The following ALMS1 variants were observed in gnomAD, a reference collection of about 807,000 sequenced individuals.
ALMS1 encodes the protein centrosome-associated protein ALMS1.
ALMS1 carries 271 observed loss-of-function variants against 352.2 expected under a neutral mutation model. That is an observed-to-expected ratio of 0.77 (90% CI 0.70 to 0.85). ALMS1 has a LOEUF of 0.85. Among genes scored for constraint, ALMS1 ranks in the 40% least tolerant of loss-of-function variants. The probability of loss-of-function intolerance (pLI) is 0.00; values close to 1 mark genes in which losing one functional copy is unlikely to be tolerated. For synonymous variants in ALMS1, 1,865 were observed against 1,761.2 expected, an observed-to-expected ratio of 1.06 and a Z score of -1.48; for missense variants, 5,445 against 4,870.7, an observed-to-expected ratio of 1.12 and a Z score of -3.51.
chr2:73,558,951 G>A, intron 14 of ALMS1, 21 bp from the exon 15 acceptor site: 2 of 1,613,384 alleles, frequency 1.2e-6, no homozygotes, highest in Non-Finnish European at 1.7e-6. Flanking sequence ...TCTGTATAGT[G>A]TGTTAATTTC....
intron 9 of ALMS1, among the ~76,000 whole-genome samples, chr2:73,469,293 G>C (rs962502000): frequency 2.6e-5 from 4 of 151,834 alleles, no homozygotes; most frequent in Non-Finnish European, 4.4e-5. Flanking sequence ...ATCAGTTAAT[G>C]AACTAGAAAA....
chr2:73,603,361 C>G (rs116327057), intron 21 of ALMS1, 57 bp downstream of exon 21: 2 of 1,528,618 alleles, frequency 1.3e-6, no homozygotes, highest in African/African-American at 2.8e-5. Flanking sequence ...ACCAAGTGGT[C>G]GGGAGCTCTG....
At chr2:73,577,605 C>G (rs989622498) in intron 16 of ALMS1, among the ~76,000 whole-genome samples, 2 of 151,810 alleles carry the variant, frequency 1.3e-5, no homozygotes, top group African/African-American at 4.8e-5. Flanking sequence ...CATTGCTTGC[C>G]ATAAGTTTTG....
intron 21 of ALMS1, among the ~76,000 whole-genome samples, chr2:73,607,152 A>C (rs1238833928): frequency 1.3e-5 from 2 of 152,238 alleles, no homozygotes; most frequent in Admixed American, 1.3e-4. Flanking sequence ...CCTGCATAAC[A>C]CACACTTTTT....
intron 10 of ALMS1, among the ~76,000 whole-genome samples, chr2:73,493,405 A>AAT (rs956052056): frequency 1.3e-5 from 2 of 150,782 alleles, no homozygotes; most frequent in African/African-American, 4.9e-5. Context: ...TATATAAGTA[A>AAT]ATATATATAT....
Position 73,452,026 on chromosome 2 carries a change from TCCTGGACCA to T in ALMS1, c.5500_5508del (p.Pro1834_Pro1836del). The T allele has an allele frequency of 6.2e-7, 1 of 1,614,036 alleles. No individual in the cohort carries two copies. Reference sequence around the variant, plus strand: ...AAGCAGGTTTGAAAATTTTAAGAGTTCCTGGACCAGCTGACCAGAAGACTGGAATAAACA... The same window carrying T: ...AAGCAGGTTTGAAAATTTTAAGAGTTGCTGACCAGAAGACTGGAATAAACA... On this transcript the variant is annotated inframe_deletion, in exon 8 of 23. Coordinates refer to ENST00000613296, the MANE Select transcript of ALMS1 (RefSeq NM_001378454.1).
At chr2:73,408,785 T>C (rs1418394568) in intron 2 of ALMS1, 38 bp downstream of exon 2, 1 of 1,595,272 alleles carries the variant, frequency 6.3e-7, no homozygotes, top group Non-Finnish European at 8.6e-7. Flanking sequence ...TTTTTTTTGA[T>C]AAGCAGCACA....
intron 11 of ALMS1, among the ~76,000 whole-genome samples, chr2:73,524,703 T>C (rs1056349268): frequency 1.5e-4 from 23 of 152,210 alleles, no homozygotes; most frequent in Non-Finnish European, 3.2e-4. Context: ...TCTGCCTGCA[T>C]TGGCCTCCCA....
intron 7 of ALMS1, among the ~76,000 whole-genome samples, chr2:73,442,620 T>G (rs1021830668): frequency 1.3e-5 from 2 of 152,210 alleles, no homozygotes; most frequent in Non-Finnish European, 2.9e-5. Context: ...GATGATTGTT[T>G]GCTAACTGAA....
At chr2:73,567,904 T>G (rs1274352193) in intron 15 of ALMS1, among the ~76,000 whole-genome samples, 1 of 152,158 alleles carries the variant, frequency 6.6e-6, no homozygotes, top group Non-Finnish European at 1.5e-5. Context: ...TTAAAGTGTC[T>G]TCATGGTAGA....
chr2:73,474,371 CTGTGTGTGTGTGTGTGTGTGTGTGTG>C (rs377039331), intron 9 of ALMS1, among the ~76,000 whole-genome samples: 9 of 95,470 alleles, frequency 9.4e-5, no homozygotes, highest in African/African-American at 3.1e-4. Context: ...CTTGTTGACT[CTGTGTGTGTGTGTGTGTGTGTGTGTG>C]TGTGTGTGTG....
chr2:73,578,898 C>T (rs1276973114), intron 16 of ALMS1, among the ~76,000 whole-genome samples: 1 of 148,662 alleles, frequency 6.7e-6, no homozygotes, highest in African/African-American at 2.6e-5. Flanking sequence ...TGCCTTATTT[C>T]TATGTATATG....
chr2:73,432,780 T>C (rs1316033513), intron 7 of ALMS1, among the ~76,000 whole-genome samples: 1 of 152,188 alleles, frequency 6.6e-6, no homozygotes, highest in Non-Finnish European at 1.5e-5. Flanking sequence ...ACACAAACAT[T>C]CAGACCATCA....
Position 73,573,301 on chromosome 2 carries a change from A to T in ALMS1, c.11424A>T (p.Leu3808Phe). Residue 3808 changes from leucine (L) to phenylalanine (F), a missense_variant, in exon 16 of 23, where the codon TTA (leucine) becomes TTT (phenylalanine). Coordinates refer to ENST00000613296, the MANE Select transcript of ALMS1 (RefSeq NM_001378454.1). ...GCTTGTCACCCAGACGAATTAAATT[A>T]TATAGCAGCATCACCAACCAACAGA... ...RVCLSPRRIK[L>F]YSSITNQQRR... The T allele has an allele frequency of 6.2e-7, 1 of 1,614,124 alleles. No individual in the cohort carries two copies.
chr2:73,554,097 T>C (rs1674493008), intron 13 of ALMS1, among the ~76,000 whole-genome samples: 1 of 152,124 alleles, frequency 6.6e-6, no homozygotes, highest in African/African-American at 2.4e-5. Flanking sequence ...TTTTAAAACA[T>C]ATACATTGTT....
rs766479454 is a variant in ALMS1, at chr2:73,450,651, C to G, written c.4124C>G (p.Thr1375Ser). 2 of 1,613,828 alleles carry G rather than the reference C, an allele frequency of 1.2e-6. No homozygotes were observed. Among genetic ancestry groups the G allele is most frequent in the Non-Finnish European group, 1.7e-6 (2 of 1,179,948 alleles). The change falls in exon 8 of 23, where the codon ACT (threonine) becomes AGT (serine). Residue 1375 changes from threonine (T) to serine (S), a missense_variant. Transcript: ENST00000613296. ...EPVDQTTGTP[T>S]VTSTSYSQHT... Reference sequence around the variant, plus strand: ...GTTGACCAGACAACTGGCACACCAACTGTAACCTCTACTTCTTACTCACAA... The same window carrying G: ...GTTGACCAGACAACTGGCACACCAAGTGTAACCTCTACTTCTTACTCACAA...
intron 16 of ALMS1, among the ~76,000 whole-genome samples, chr2:73,598,382 C>G (rs1379902114): frequency 6.6e-6 from 1 of 152,128 alleles, no homozygotes; most frequent in Non-Finnish European, 1.5e-5. Context: ...TTATCTGATT[C>G]GTGATGCATC....
intron 1 of ALMS1, among the ~76,000 whole-genome samples, chr2:73,399,795 A>C (rs78839437): frequency 6.6e-6 from 1 of 152,250 alleles, no homozygotes; most frequent in East Asian, 1.9e-4. Context: ...TAGATACTCT[A>C]TGTCAAGTTG....
In ALMS1 at chr2:73,519,948, G is replaced by T; in HGVS notation, c.9713G>T (p.Arg3238Leu). Residue 3238 changes from arginine to leucine, a missense_variant, in exon 11 of 23, where the codon CGC (arginine) becomes CTC (leucine). Coordinates refer to ENST00000613296, the MANE Select transcript of ALMS1 (RefSeq NM_001378454.1). ...ATAGAGCCTGGTAACCAGAAGCTACGCAAAGCTCCTGTCAAGTTTGCCTCA... is the reference window on the plus strand; with the variant it reads ...ATAGAGCCTGGTAACCAGAAGCTACTCAAAGCTCCTGTCAAGTTTGCCTCA... Reference protein sequence around the residue: ...EIIEPGNQKLRKAPVKFASSS... With the variant: ...EIIEPGNQKLLKAPVKFASSS... The T allele has an allele frequency of 6.2e-7, 1 of 1,614,074 alleles. No homozygotes were observed. The highest frequency in any genetic ancestry group is 8.5e-7 in the Non-Finnish European group (1 of 1,179,970).
Sources: gnomAD v4.1 joint callset for allele counts (sites outside exome capture counted in the v4.1 genomes callset) on GRCh38, gnomAD v4.1.1 for gene constraint, MANE v1.5 for transcripts, NCBI Gene and HGNC (gene_info 2026-07-23, HGNC 2026-07-21) for gene names.